IMPG1: variants seen among roughly 807,000 people sequenced by gnomAD.
The protein encoded by IMPG1 is interphotoreceptor matrix proteoglycan 1.
In IMPG1, 85 loss-of-function variants were observed where a neutral mutation model predicts 92.0. The observed-to-expected ratio is 0.92, with a 90% confidence interval of 0.78 to 1.11. IMPG1 has a LOEUF of 1.11. Among genes scored for constraint, IMPG1 ranks in the 50% least tolerant of loss-of-function variants. The pLI is 0.00. For synonymous variants in IMPG1, 367 were observed against 334.1 expected, an observed-to-expected ratio of 1.10 and a Z score of -1.08; for missense variants, 1,022 against 956.0, an observed-to-expected ratio of 1.07 and a Z score of -0.91.
intron 1 of IMPG1, among the ~76,000 whole-genome samples, chr6:76,062,300 T>C (rs757580987): frequency 5.3e-5 from 8 of 152,224 alleles, no homozygotes; most frequent in Non-Finnish European, 8.8e-5. Flanking sequence ...TAACAATTAG[T>C]TTTCTTTTGT....
At chr6:75,927,983 A>C (rs535632036) in intron 15 of IMPG1, among the ~76,000 whole-genome samples, 1 of 152,198 alleles carries the variant, frequency 6.6e-6, no homozygotes, top group Non-Finnish European at 1.5e-5. Context: ...TACTGATCTC[A>C]CTTACGACAA....
intron 12 of IMPG1, among the ~76,000 whole-genome samples, chr6:75,986,873 A>G (rs768857033): frequency 8.5e-5 from 13 of 152,246 alleles, no homozygotes; most frequent in South Asian, 2.1e-4. Context: ...AAAATCTCAG[A>G]TGATTCTAAT....
At chr6:75,979,755 A>G (rs760530852) in intron 12 of IMPG1, among the ~76,000 whole-genome samples, 1 of 152,248 alleles carries the variant, frequency 6.6e-6, no homozygotes, top group Non-Finnish European at 1.5e-5. Context: ...AATGATAGCA[A>G]TTCTGCCAAT....
chr6:75,953,591 C>CT (rs199629641), intron 12 of IMPG1, among the ~76,000 whole-genome samples: 2,005 of 151,368 alleles, frequency 0.013, 36 homozygotes, highest in South Asian at 0.018. Context: ...TGAACTCATC[C>CT]TTTTTTTCCC....
intron 14 of IMPG1, among the ~76,000 whole-genome samples, chr6:75,940,853 T>C (rs1301258230): frequency 6.6e-6 from 1 of 152,164 alleles, no homozygotes; most frequent in African/African-American, 2.4e-5. Flanking sequence ...CATTTTCCTC[T>C]TGCATCTTCT....
At chr6:75,991,390 T>G (rs960016646) in intron 12 of IMPG1, among the ~76,000 whole-genome samples, 9 of 149,812 alleles carry the variant, frequency 6.0e-5, no homozygotes, top group Non-Finnish European at 1.2e-4. Context: ...GACTCTGCCT[T>G]GGAAATAAAA....
At chr6:75,997,669 T>A (rs189182840) in intron 12 of IMPG1, among the ~76,000 whole-genome samples, 1 of 152,278 alleles carries the variant, frequency 6.6e-6, no homozygotes, top group East Asian at 1.9e-4. Flanking sequence ...ATTTACTGTC[T>A]GAGATGATAG....
chr6:76,006,559 T>A (rs1582099708), intron 9 of IMPG1, among the ~76,000 whole-genome samples: 1 of 150,830 alleles, frequency 6.6e-6, no homozygotes, highest in African/African-American at 2.4e-5. Flanking sequence ...TATATATATA[T>A]ATACATATGT....
intron 12 of IMPG1, among the ~76,000 whole-genome samples, chr6:75,979,820 G>A (rs537738394): frequency 9.9e-5 from 15 of 152,258 alleles, no homozygotes; most frequent in African/African-American, 2.9e-4. Context: ...AAGAGTAACT[G>A]TATTTATTAA....
In IMPG1 at chr6:75,922,092, A is replaced by G. The variant is rs117784577; in HGVS notation, c.2391T>C (p.Asn797=). ...GATAATTGTACATTTTCAGTTTTTA[A>G]TTTCCTTCCCAATCTTGATGGTTAA... ...EEFNHQDWEG[N] is the part of the protein sequence containing the mutation. The change falls in exon 17 of 17, where the codon AAT becomes AAC. Residue 797 remains asparagine (N), a synonymous_variant. Coordinates refer to ENST00000369950, the MANE Select transcript of IMPG1 (RefSeq NM_001563.4). 24 of 1,308,228 alleles carry G rather than the reference A, an allele frequency of 1.8e-5. No individual in the cohort carries two copies. The highest frequency in any genetic ancestry group is 2.6e-5 in the Non-Finnish European group (24 of 916,208). The allele number at this position is 1,308,228 out of a possible 1,614,324, so 81.0% of individuals were successfully genotyped here.
At chr6:75,924,566 ATTATATATAAT>A (rs1781496780) in intron 15 of IMPG1, among the ~76,000 whole-genome samples, 1 of 31,146 alleles carries the variant, frequency 3.2e-5, no homozygotes, top group Non-Finnish European at 6.2e-5. Context: ...ATAATTATAT[ATTATATATAAT>A]TAATATAATT....
chr6:76,064,328 C>T (rs1202425732), intron 1 of IMPG1, among the ~76,000 whole-genome samples: 1 of 150,726 alleles, frequency 6.6e-6, no homozygotes, highest in African/African-American at 2.4e-5. Flanking sequence ...TTCTGCACCA[C>T]AGACATTTTA....
chr6:75,995,195 C>T (rs1782875857), intron 12 of IMPG1, among the ~76,000 whole-genome samples: 1 of 152,186 alleles, frequency 6.6e-6, no homozygotes, highest in South Asian at 2.1e-4. Flanking sequence ...TCACCAATGT[C>T]CTAGCTATCA....
At chr6:76,015,800 CAAAAAAAA>C (rs35389302) in intron 7 of IMPG1, among the ~76,000 whole-genome samples, 19 of 66,728 alleles carry the variant, frequency 2.8e-4, no homozygotes, top group East Asian at 2.5e-3. Context: ...AACTCTGTCT[CAAAAAAAA>C]AAAAAAAAAA....
At chr6:76,048,759 A>T (rs1783987831) in intron 1 of IMPG1, among the ~76,000 whole-genome samples, 1 of 152,202 alleles carries the variant, frequency 6.6e-6, no homozygotes, top group South Asian at 2.1e-4. Flanking sequence ...AAAACTATTT[A>T]AAAAGATCTG....
chr6:76,035,379 G>A (rs1783723271), intron 2 of IMPG1, among the ~76,000 whole-genome samples: 1 of 151,748 alleles, frequency 6.6e-6, no homozygotes, highest in South Asian at 2.1e-4. Context: ...CATGCCTGTA[G>A]TCCCAGCTAC....
At position 76,005,467 on chromosome 6, in the gene IMPG1, C is replaced by T; in HGVS notation, c.955G>A (p.Ala319Thr). 2 of 1,613,982 alleles carry T rather than the reference C, an allele frequency of 1.2e-6. No homozygotes were observed. The highest frequency in any genetic ancestry group is 2.2e-5 in the South Asian group (2 of 91,074). ...GAATCAAAAGACAGGAGGTCACTTG[C>T]AGGGCTTTTTGCTTCTGCACTGTGT... ...KRHSAEAKSPASDLLSFDSNK... is the reference protein window; with the variant it reads ...KRHSAEAKSPTSDLLSFDSNK... The change falls in exon 10 of 17, where the codon GCA becomes ACA. Residue 319 changes from alanine to threonine, a missense_variant. Physicochemically the swap from Ala to Thr is moderately conservative, Grantham distance 58. Around this residue, in one of 3 missense-constraint regions of IMPG1, gnomAD observed 681 missense variants for 583.6 expected, o/e 1.17. Coordinates refer to ENST00000369950, the MANE Select transcript of IMPG1 (RefSeq NM_001563.4).
intron 12 of IMPG1, among the ~76,000 whole-genome samples, chr6:76,002,082 C>T (rs1173711127): frequency 6.6e-6 from 1 of 152,160 alleles, no homozygotes; most frequent in East Asian, 1.9e-4. Flanking sequence ...CCAGTCATTG[C>T]AAATCTCCAA....
intron 12 of IMPG1, among the ~76,000 whole-genome samples, chr6:75,992,318 C>T (rs1174214773): frequency 6.6e-6 from 1 of 152,136 alleles, no homozygotes; most frequent in Non-Finnish European, 1.5e-5. Flanking sequence ...CTCTCTTTCT[C>T]ATTGTGTTCC....
Sources: allele counts gnomAD v4.1 joint callset (sites outside exome capture counted in the v4.1 genomes callset), GRCh38; gene constraint gnomAD v4.1.1; regional missense constraint gnomAD v4.1.1; transcripts MANE v1.5; gene names NCBI Gene and HGNC (gene_info 2026-07-23, HGNC 2026-07-21).